CHST11: variants seen among roughly 807,000 people sequenced by gnomAD.
The protein encoded by CHST11 is C4S-1.
In CHST11, 9 loss-of-function variants were observed where a neutral mutation model predicts 30.4. That is an observed-to-expected ratio of 0.30 (90% CI 0.18 to 0.52). The LOEUF is 0.52. Ranked by LOEUF, CHST11 falls within the 20% of genes least tolerant of loss-of-function variation. The pLI is 0.97. For missense variants in CHST11, 348 were observed against 460.6 expected, an observed-to-expected ratio of 0.76 and a Z score of 2.24; for synonymous variants, 152 against 187.8, an observed-to-expected ratio of 0.81 and a Z score of 1.56.
At chr12:104,633,261 C>T (rs766752874) in intron 2 of CHST11, among the ~76,000 whole-genome samples, 1 of 152,174 alleles carries the variant, frequency 6.6e-6, no homozygotes, top group Non-Finnish European at 1.5e-5. Context: ...GACAATAACT[C>T]ATGATTTCTT....
At chr12:104,510,646 A>G (rs2037955929) in intron 1 of CHST11, among the ~76,000 whole-genome samples, 1 of 152,224 alleles carries the variant, frequency 6.6e-6, no homozygotes, top group Non-Finnish European at 1.5e-5. Context: ...CACTGTTTGT[A>G]CAGCATGTCT....
intron 2 of CHST11, among the ~76,000 whole-genome samples, chr12:104,612,397 G>C (rs1275933690): frequency 3.3e-5 from 5 of 152,184 alleles, no homozygotes; most frequent in Non-Finnish European, 7.3e-5. Flanking sequence ...TTCACATGGT[G>C]CTCCCCCTGT....
chr12:104,520,238 A>G (rs1211948125), intron 1 of CHST11, among the ~76,000 whole-genome samples: 2 of 152,196 alleles, frequency 1.3e-5, no homozygotes, highest in African/African-American at 4.8e-5. Context: ...TATCTGTCCA[A>G]TGGGCCCAAT....
rs142819286 is a variant in CHST11 at position 104,495,626 on chromosome 12, A to G, written c.118+38097A>G. 1.2e-4 allele frequency among the ~76,000 whole-genome samples: 18 copies of G among 152,312 alleles called. No individual in the cohort carries two copies. The East Asian group carries it at 3.5e-3, about 29-fold the overall frequency. ...TTAGTACTAATAAAAATTGATAACT[A>G]CTATTTATTGAGTGCTTATTAAGTG... On this transcript the variant is annotated intron_variant, in intron 1 of 2. Transcript: ENST00000303694.
intron 1 of CHST11, among the ~76,000 whole-genome samples, chr12:104,501,189 T>C (rs1414255986): frequency 6.6e-6 from 1 of 152,144 alleles, no homozygotes; most frequent in East Asian, 1.9e-4. Flanking sequence ...AGTAGAAAGA[T>C]GCTCAAGGAA....
At chr12:104,684,420 T>G (rs536509714) in intron 2 of CHST11, among the ~76,000 whole-genome samples, 4 of 152,200 alleles carry the variant, frequency 2.6e-5, no homozygotes, top group Non-Finnish European at 5.9e-5. Context: ...CTCAGCTTCT[T>G]TGAGCCCAAC....
Position 104,641,562 on chromosome 12 carries a change from G to T in CHST11, c.204+39571G>T, listed in dbSNP as rs78781660. 9.6e-3 allele frequency among the ~76,000 whole-genome samples: 1,465 copies of T among 152,302 alleles called. 12 individuals carry two copies. The highest frequency in any genetic ancestry group is 0.016 in the Non-Finnish European group (1,074 of 68,032). On this transcript the variant is annotated intron_variant, in intron 2 of 2. Coordinates refer to ENST00000303694, the MANE Select transcript of CHST11 (RefSeq NM_018413.6). Reference sequence around the variant, plus strand: ...CACCCATGTACTCCAGTTCCTGCCTGCAAAGGGGTCAGGGAAGTATCCTGC... The same window carrying T: ...CACCCATGTACTCCAGTTCCTGCCTTCAAAGGGGTCAGGGAAGTATCCTGC...
intron 2 of CHST11, among the ~76,000 whole-genome samples, chr12:104,635,240 A>G (rs1182291265): frequency 6.6e-6 from 1 of 152,216 alleles, no homozygotes; most frequent in East Asian, 1.9e-4. Context: ...CAAGCTTTGT[A>G]TGTAGCAAAA....
chr12:104,467,664 G>A (rs1433092238), intron 1 of CHST11, among the ~76,000 whole-genome samples: 1 of 152,158 alleles, frequency 6.6e-6, no homozygotes, highest in Non-Finnish European at 1.5e-5. Context: ...GGCTTGAATC[G>A]TTATCTTAAA....
intron 1 of CHST11, among the ~76,000 whole-genome samples, chr12:104,459,420 G>A (rs946648121): frequency 6.6e-6 from 1 of 152,226 alleles, no homozygotes; most frequent in African/African-American, 2.4e-5. Context: ...TTCAGGTTTC[G>A]CTGGGACCGT....
chr12:104,615,674 T>A (rs1592795388), intron 2 of CHST11, among the ~76,000 whole-genome samples: 1 of 152,102 alleles, frequency 6.6e-6, no homozygotes, highest in African/African-American at 2.4e-5. Flanking sequence ...CGCTTGTAAT[T>A]CCAGCACTTC....
chr12:104,503,519 G>A (rs2037872766), intron 1 of CHST11, among the ~76,000 whole-genome samples: 1 of 152,224 alleles, frequency 6.6e-6, no homozygotes, highest in Admixed American at 6.5e-5. Flanking sequence ...GCAAATCCAT[G>A]TAAATGCTTA....
In CHST11 at chr12:104,601,897, T is replaced by C. The variant is rs1241305486; in HGVS notation, c.119-9T>C. On this transcript the variant is annotated splice_polypyrimidine_tract_variant and intron_variant, in intron 1 of 2. Transcript: ENST00000303694. ...TCATTTCTGATGAGCCTTCACTTTC[T>C]TTCCTCAGTCATGCGGAGGAATCCC... 1.2e-6 allele frequency: 2 copies of C among 1,607,100 alleles called. No individual in the cohort carries two copies. Among genetic ancestry groups the C allele is most frequent in the Admixed American group, 1.7e-5 (1 of 59,136 alleles).
rs150078981 is a variant in CHST11, at chr12:104,686,132, C to CT, written c.205-70816dup. 3.9e-3 allele frequency among the ~76,000 whole-genome samples: 579 copies of CT among 150,120 alleles called. 14 individuals carry two copies. The East Asian group carries it at 0.065, about 17-fold the overall frequency. On this transcript the variant is annotated intron_variant, in intron 2 of 2. Coordinates refer to ENST00000303694, the MANE Select transcript of CHST11 (RefSeq NM_018413.6). ...CCCGTAGTCCTAGCTACTCAGAAGCCTGAGGCAGGAGAATCGCTGGAGCCC... is the reference window on the plus strand; with the variant it reads ...CCCGTAGTCCTAGCTACTCAGAAGCCTTGAGGCAGGAGAATCGCTGGAGCCC...
chr12:104,730,663 TC>T (rs5800630), intron 2 of CHST11, among the ~76,000 whole-genome samples: 41,291 of 151,992 alleles, frequency 0.27, 6,909 homozygotes, highest in South Asian at 0.47. Context: ...GAGAGGACAT[TC>T]CAGGTGGAGG....
chr12:104,577,199 G>A (rs1470318830), intron 1 of CHST11, among the ~76,000 whole-genome samples: 1 of 148,330 alleles, frequency 6.7e-6, no homozygotes, highest in African/African-American at 2.5e-5. Flanking sequence ...GTTTTGCACC[G>A]GTATGATTCG....
chr12:104,713,082 A>C (rs186397133), intron 2 of CHST11, among the ~76,000 whole-genome samples: 78 of 152,256 alleles, frequency 5.1e-4, no homozygotes, highest in Admixed American at 4.0e-3. Context: ...TGGTTAGCAC[A>C]CAGCAGCGTG....
chr12:104,580,363 C>T (rs1206262187), intron 1 of CHST11, among the ~76,000 whole-genome samples: 4 of 152,132 alleles, frequency 2.6e-5, no homozygotes, highest in Non-Finnish European at 5.9e-5. Flanking sequence ...AAAGCATGGG[C>T]ATTTAAGAAA....
At chr12:104,516,516 C>T (rs902015606) in intron 1 of CHST11, among the ~76,000 whole-genome samples, 2 of 151,928 alleles carry the variant, frequency 1.3e-5, no homozygotes, top group African/African-American at 2.4e-5. Context: ...CACTTTTAGG[C>T]GTGGTTGGAA....
Sources: allele counts gnomAD v4.1 joint callset (sites outside exome capture counted in the v4.1 genomes callset), GRCh38; gene constraint gnomAD v4.1.1; transcripts MANE v1.5; gene names NCBI Gene and HGNC (gene_info 2026-07-23, HGNC 2026-07-21).